Variants in PHF3 observed in about 807,000 individuals in gnomAD.
PHF3 encodes PHD finger protein 3.
PHF3 carries 41 observed loss-of-function variants against 178.4 expected under a neutral mutation model. The observed-to-expected ratio is 0.23, with a 90% CI of 0.18 to 0.30. The LOEUF (loss-of-function observed/expected upper bound fraction) is 0.30, where lower values mean the gene tolerates loss of function less well. PHF3 is among the 10% of genes least tolerant of loss of function. The probability of loss-of-function intolerance (pLI) is 1.00; values close to 1 mark genes in which losing one functional copy is unlikely to be tolerated. For synonymous variants in PHF3, 842 were observed against 800.5 expected, an observed-to-expected ratio of 1.05 and a Z score of -0.88; for missense variants, 2,346 against 2,398.1, an observed-to-expected ratio of 0.98 and a Z score of 0.45.
At chr6:63,670,531 C>G (rs1053303041) in intron 2 of PHF3, among the ~76,000 whole-genome samples, 2 of 152,162 alleles carry the variant, frequency 1.3e-5, no homozygotes, top group African/African-American at 4.8e-5. Flanking sequence ...TGTGATCCGC[C>G]CAACTCGGCC....
intron 4 of PHF3, among the ~76,000 whole-genome samples, chr6:63,688,836 T>A (rs1253678793): frequency 6.6e-6 from 1 of 152,226 alleles, no homozygotes; most frequent in East Asian, 1.9e-4. Context: ...TCTCTTTGAT[T>A]TCATGCACTA....
intron 1 of PHF3, among the ~76,000 whole-genome samples, chr6:63,641,848 G>A (rs1232688139): frequency 6.6e-6 from 1 of 151,890 alleles, no homozygotes; most frequent in Admixed American, 6.6e-5. Context: ...GGCTGGTCTC[G>A]AACTCCTAAC....
intron 8 of PHF3, 102 bp downstream of exon 8, chr6:63,698,707 GATT>G: frequency 1.2e-6 from 1 of 832,488 alleles, no homozygotes; most frequent in Middle Eastern, 4.0e-4. Flanking sequence ...ATTGGAGTGA[GATT>G]ATAATTTGCT....
chr6:63,712,756 C>T lies in PHF3; in HGVS notation c.5168C>T (p.Pro1723Leu), dbSNP rs771964456. The change falls in exon 16 of 16, where the codon CCA (proline) becomes CTA (leucine). Residue 1723 changes from proline to leucine, a missense_variant. Physicochemically the swap from Pro to Leu is moderately conservative, Grantham distance 98. Coordinates refer to ENST00000262043, the MANE Select transcript of PHF3 (RefSeq NM_001370348.2). ...AATTTAAAAGTTGCACAAAACTCAC[C>T]ATCAGTAGAAAACATACAGACTTCT... ...SDNLKVAQNS[P>L]SVENIQTSQA... 1.9e-6 allele frequency: 3 copies of T among 1,613,682 alleles called. No individual in the cohort carries two copies. Among genetic ancestry groups the T allele is most frequent in the Non-Finnish European group, 2.5e-6 (3 of 1,179,962 alleles).
chr6:63,721,531 G>A lies in PHF3; in HGVS notation c.*7823G>A, dbSNP rs1009313420. On this transcript the variant is annotated 3_prime_UTR_variant, in exon 16 of 16. Coordinates refer to ENST00000262043, the MANE Select transcript of PHF3 (RefSeq NM_001370348.2). ...ACAGGTTCATTTTCTATTGCCATGGGATTTACAAGATTTAAAGAAGATACT... is the reference window on the plus strand; with the variant it reads ...ACAGGTTCATTTTCTATTGCCATGGAATTTACAAGATTTAAAGAAGATACT... 6 of 1,551,274 alleles carry A rather than the reference G, an allele frequency of 3.9e-6. No individual in the cohort carries two copies. The highest frequency in any genetic ancestry group is 5.2e-6 in the Non-Finnish European group (6 of 1,146,670).
chr6:63,685,303 T>C lies in PHF3; in HGVS notation c.1581T>C (p.Ser527=). 1 of 1,614,064 alleles carries C rather than the reference T, an allele frequency of 6.2e-7. No individual in the cohort carries two copies. The highest frequency in any genetic ancestry group is 8.5e-7 in the Non-Finnish European group (1 of 1,179,992). Residue 527 remains serine (S), a synonymous_variant, in exon 4 of 16, where the codon AGT becomes AGC. Transcript: ENST00000262043. The part of the protein sequence containing the change: ...IHSKTKVNVK[S]VKRNTDVPES... ...GCAAAACTAAAGTTAATGTCAAAAGTGTGAAACGAAATACTGATGTACCAG... is the reference window on the plus strand; with the variant it reads ...GCAAAACTAAAGTTAATGTCAAAAGCGTGAAACGAAATACTGATGTACCAG...
rs1222969006 is a variant in PHF3 at position 63,721,608 on chromosome 6, G to A, written c.*7900G>A. On this transcript the variant is annotated 3_prime_UTR_variant, in exon 16 of 16. Transcript: ENST00000262043. ...GTCCAGAGAACTCATTTTAGTGGAGGCCTTTTCTGTTACATTTATCCCATC... is the reference window on the plus strand; with the variant it reads ...GTCCAGAGAACTCATTTTAGTGGAGACCTTTTCTGTTACATTTATCCCATC... The A allele has an allele frequency of 3.2e-6, 5 of 1,551,078 alleles. No homozygotes were observed. The East Asian group carries it at 9.8e-5, about 30-fold the overall frequency.
chr6:63,653,023 T>G (rs866813870), intron 2 of PHF3, among the ~76,000 whole-genome samples: 27 of 151,378 alleles, frequency 1.8e-4, no homozygotes, highest in African/African-American at 6.3e-4. Flanking sequence ...TGGCTAGTTT[T>G]TTTTTTTTTT....
intron 2 of PHF3, among the ~76,000 whole-genome samples, chr6:63,664,765 T>C (rs1337648711): frequency 1.3e-5 from 2 of 152,130 alleles, no homozygotes; most frequent in African/African-American, 4.8e-5. Flanking sequence ...CAAGTTGAGC[T>C]TGATACTGGG....
In PHF3 at chr6:63,721,710, TG is replaced by T; in HGVS notation, c.*8004del. 1 of 1,551,448 alleles carries T rather than the reference TG, an allele frequency of 6.4e-7. No homozygotes were observed. The highest frequency in any genetic ancestry group is 2.4e-5 in the East Asian group (1 of 40,914). ...AGTACTTCCGTTTATAGTTACTTTT[TG>T]GAGAGTTTCTAGAATGATAGTTCTG... On this transcript the variant is annotated 3_prime_UTR_variant, in exon 16 of 16. Transcript: ENST00000262043.
chr6:63,668,499 A>ATTTATTT (rs543513417), intron 2 of PHF3, among the ~76,000 whole-genome samples: 6 of 151,884 alleles, frequency 4.0e-5, no homozygotes, highest in Admixed American at 6.6e-5. Flanking sequence ...ATACCTGCTA[A>ATTTATTT]TTTATTTTTT....
At chr6:63,679,706 A>AC (rs1561959974) in intron 2 of PHF3, 2 of 412,296 alleles carry the variant, frequency 4.9e-6, no homozygotes, top group Non-Finnish European at 9.5e-6. Flanking sequence ...TATGTCTTTC[A>AC]CAAGGGGTCA....
At chr6:63,661,443 G>A (rs1765461846) in intron 2 of PHF3, among the ~76,000 whole-genome samples, 1 of 152,102 alleles carries the variant, frequency 6.6e-6, no homozygotes, top group African/African-American at 2.4e-5. Flanking sequence ...TGTCCTGAAT[G>A]TAAAAACAAA....
rs1363483306 is a variant in PHF3 at position 63,713,787 on chromosome 6, C to T, written c.*79C>T. The T allele has an allele frequency of 2.5e-6, 3 of 1,222,596 alleles. No homozygotes were observed. Among genetic ancestry groups the T allele is most frequent in the Admixed American group, 5.9e-5 (2 of 33,736 alleles). The allele number at this position is 1,222,596 out of a possible 1,614,324, so 75.7% of individuals were successfully genotyped here. The stretch of plus-strand genomic sequence containing the variant: ...TTGTAAACAAAAGAAAGATTGCCTG[C>T]TAGGATTGTGCCATCTTTAAAATTT... On this transcript the variant is annotated 3_prime_UTR_variant, in exon 16 of 16. Coordinates refer to ENST00000262043, the MANE Select transcript of PHF3 (RefSeq NM_001370348.2).
At chr6:63,707,142 G>GTCTA (rs1404405385) in intron 13 of PHF3, among the ~76,000 whole-genome samples, 1 of 152,168 alleles carries the variant, frequency 6.6e-6, no homozygotes, top group Non-Finnish European at 1.5e-5. Flanking sequence ...ATCAATGAGA[G>GTCTA]TCTACATGGA....
At position 63,725,365 on chromosome 6, in the gene PHF3, A is replaced by G. The variant is rs1768575988; in HGVS notation, c.*11657A>G. 6.6e-6 allele frequency among the ~76,000 whole-genome samples: 1 copy of G among 152,150 alleles called. No individual in the cohort carries two copies. Among genetic ancestry groups the G allele is most frequent in the South Asian group, 2.1e-4 (1 of 4,834 alleles). Reference sequence around the variant, plus strand: ...GTTGTACTGATTATAAAACTGTAGTACAATATTCCCAGCCAGTCACAATCC... The same window carrying G: ...GTTGTACTGATTATAAAACTGTAGTGCAATATTCCCAGCCAGTCACAATCC... On this transcript the variant is annotated 3_prime_UTR_variant, in exon 16 of 16. Transcript: ENST00000262043.
intron 11 of PHF3, 25 bp from the exon 12 acceptor site, chr6:63,706,004 T>C: frequency 6.4e-7 from 1 of 1,554,182 alleles, no homozygotes; most frequent in African/African-American, 1.4e-5. Context: ...AACAGTTGGT[T>C]TCTTTTGATG....
chr6:63,673,393 CCAA>C (rs1766007550), intron 2 of PHF3, among the ~76,000 whole-genome samples: 1 of 151,992 alleles, frequency 6.6e-6, no homozygotes, highest in Non-Finnish European at 1.5e-5. Flanking sequence ...CTTATAAACC[CCAA>C]CTCAGGATAA....
chr6:63,647,012 C>T (rs116731725), intron 2 of PHF3, among the ~76,000 whole-genome samples: 1 of 150,712 alleles, frequency 6.6e-6, no homozygotes, highest in Non-Finnish European at 1.5e-5. Flanking sequence ...GAGTTATCCT[C>T]AAGGATATTA....
Sources: allele counts gnomAD v4.1 joint callset (sites outside exome capture counted in the v4.1 genomes callset), GRCh38; gene constraint gnomAD v4.1.1; transcripts MANE v1.5; gene names NCBI Gene and HGNC (gene_info 2026-07-23, HGNC 2026-07-21).